CHRNB1: variants seen among roughly 807,000 people sequenced by gnomAD.
CHRNB1 encodes acetylcholine receptor subunit beta.
Under a neutral mutation model 53.8 loss-of-function variants are expected in CHRNB1, and 47 were observed. The ratio of observed to expected loss-of-function variants is 0.87; its 90% CI spans 0.69 to 1.11. The LOEUF (loss-of-function observed/expected upper bound fraction) is 1.11, where lower values mean the gene tolerates loss of function less well. Ranked by LOEUF, CHRNB1 falls within the 50% of genes most tolerant of loss-of-function variation. The pLI is 0.00. For missense variants in CHRNB1, 605 were observed against 654.9 expected, an observed-to-expected ratio of 0.92 and a Z score of 0.83; for synonymous variants, 259 against 263.5, an observed-to-expected ratio of 0.98 and a Z score of 0.16.
intron 7 of CHRNB1, among the ~76,000 whole-genome samples, chr17:7,452,197 A>G (rs1908917308): frequency 6.6e-6 from 1 of 151,798 alleles, no homozygotes; most frequent in African/African-American, 2.4e-5. Context: ...CTGGGATTCC[A>G]GTCACACACC....
At chr17:7,451,522 C>G (rs546468338) in intron 7 of CHRNB1, among the ~76,000 whole-genome samples, 1 of 152,158 alleles carries the variant, frequency 6.6e-6, no homozygotes, top group East Asian at 1.9e-4. Flanking sequence ...CTAAAATGAT[C>G]CACCCGCCTT....
Position 7,454,501 on chromosome 17 carries a change from T to C in CHRNB1, c.1025T>C (p.Met342Thr). 1 of 1,614,102 alleles carries C rather than the reference T, an allele frequency of 6.2e-7. No homozygotes were observed. Among genetic ancestry groups the C allele is most frequent in the Non-Finnish European group, 8.5e-7 (1 of 1,179,978 alleles). ...CACCGCTCACCCCACACCCACCAAA[T>C]GCCCCTTTGGGTCCGTCAGGTAAGA... is the stretch of plus-strand genomic sequence containing the variant. ...LHHRSPHTHQ[M>T]PLWVRQIFIH... Residue 342 changes from methionine (M) to threonine (T), a missense_variant, in exon 8 of 11, where the codon ATG becomes ACG. By Grantham distance (81) the Met-to-Thr change is moderately conservative. Coordinates refer to ENST00000306071, the MANE Select transcript of CHRNB1 (RefSeq NM_000747.3).
At position 7,445,722 on chromosome 17, in the gene CHRNB1, G is replaced by C. The variant is rs975981300; in HGVS notation, c.198+313G>C. On this transcript the variant is annotated intron_variant, in intron 2 of 10. Coordinates refer to ENST00000306071, the MANE Select transcript of CHRNB1 (RefSeq NM_000747.3). This position sits in a 1 kb window ranked among gnomAD's most constrained non-coding sequence, Gnocchi z 5.7. ...GGGCCACATGAGTCCTGAGTGCCCA[G>C]GGTGGGGCGGAGCTTGGTGCTCAGG... The C allele has an allele frequency of 7.6e-6, 7 of 920,626 alleles. No individual in the cohort carries two copies. Among genetic ancestry groups the C allele is most frequent in the Non-Finnish European group, 1.1e-5 (7 of 634,650 alleles). The allele number at this position is 920,626 out of a possible 1,614,324, so 57.0% of individuals were successfully genotyped here. A position where few individuals can be genotyped will look rare whatever the true frequency, so the allele number is the denominator to read the frequency against.
At chr17:7,451,088 A>T (rs1908865925) in intron 7 of CHRNB1, among the ~76,000 whole-genome samples, 1 of 151,948 alleles carries the variant, frequency 6.6e-6, no homozygotes, top group African/African-American at 2.4e-5. Flanking sequence ...GGACCTATAG[A>T]CCATAACCAG....
At chr17:7,448,861 G>C in intron 7 of CHRNB1, 73 bp downstream of exon 7, 1 of 1,516,850 alleles carries the variant, frequency 6.6e-7, no homozygotes, top group African/African-American at 1.4e-5. Flanking sequence ...AATCCAGGCA[G>C]GGTTTTCCTG....
Position 7,455,910 on chromosome 17 carries a change from G to T in CHRNB1, c.1334G>T (p.Arg445Leu), listed in dbSNP as rs774704171. ...EVVSSISYIA[R>L]QLQEQEDHDA... ...GTCTCCTCTATCAGCTACATCGCTC[G>T]ACAGCTGCAGGAACAGGAGGACCAC... Residue 445 changes from arginine (R) to leucine (L), a missense_variant, in exon 10 of 11, where the codon CGA becomes CTA. By Grantham distance (102) the Arg-to-Leu change is moderately radical (BLOSUM62 -2). Coordinates refer to ENST00000306071, the MANE Select transcript of CHRNB1 (RefSeq NM_000747.3). 1 of 1,614,070 alleles carries T rather than the reference G, an allele frequency of 6.2e-7. No individual in the cohort carries two copies. The highest frequency in any genetic ancestry group is 1.1e-5 in the South Asian group (1 of 91,082).
intron 6 of CHRNB1, among the ~76,000 whole-genome samples, chr17:7,448,113 C>T (rs1390272383): frequency 1.1e-4 from 15 of 142,742 alleles, no homozygotes; most frequent in Non-Finnish European, 1.8e-4. Flanking sequence ...GGGCCTGGCG[C>T]AGTGGCTCAC....
rs1169151984 is a variant in CHRNB1, at chr17:7,445,230, G to A, written c.59-40G>A. 2.5e-6 allele frequency: 4 copies of A among 1,611,792 alleles called. No individual in the cohort carries two copies. The highest frequency in any genetic ancestry group is 3.4e-6 in the Non-Finnish European group (4 of 1,179,526). On this transcript the variant is annotated intron_variant, in intron 1 of 10. Coordinates refer to ENST00000306071, the MANE Select transcript of CHRNB1 (RefSeq NM_000747.3). This position sits in a 1 kb window ranked among gnomAD's most constrained non-coding sequence, Gnocchi z 5.7. Reference sequence around the variant, plus strand: ...GGGCAGTGACGGGGCCAGCGGTCGTGGCCAGGCACCAGGGCTGCACTTATT... The same window carrying A: ...GGGCAGTGACGGGGCCAGCGGTCGTAGCCAGGCACCAGGGCTGCACTTATT...
rs71157287 is a variant in CHRNB1, at chr17:7,453,582, CTT to C, written c.821-693_821-692del. 6.5e-3 allele frequency among the ~76,000 whole-genome samples: 620 copies of C among 96,000 alleles called. 3 individuals are homozygous for C. The highest frequency in any genetic ancestry group is 7.5e-3 in the African/African-American group (185 of 24,764). 63.0% of individuals were successfully genotyped at this position (96,000 alleles called of 152,430 possible). Reference sequence around the variant, plus strand: ...GCAGATGGCCCTTCCAAAAGCCTGTCTTTTTTTTTTTTTTTTTTTTTTTATGA... The same window carrying C: ...GCAGATGGCCCTTCCAAAAGCCTGTCTTTTTTTTTTTTTTTTTTTTTATGA... On this transcript the variant is annotated intron_variant, in intron 7 of 10. Transcript: ENST00000306071.
chr17:7,452,085 C>A (rs1908912259), intron 7 of CHRNB1, among the ~76,000 whole-genome samples: 1 of 149,930 alleles, frequency 6.7e-6, no homozygotes, highest in South Asian at 2.1e-4. Context: ...AGATACAGTC[C>A]CTGTCTGTCA....
In CHRNB1 at chr17:7,445,081, G is replaced by C; in HGVS notation, c.-47G>C. The C allele has an allele frequency of 6.3e-7, 1 of 1,587,274 alleles. No individual in the cohort carries two copies. The highest frequency in any genetic ancestry group is 1.1e-5 in the South Asian group (1 of 88,506). ...TCCTCGTCACTTCCCCTGTGCTGGC[G>C]GTCCCAGCGGCTCTCTGAGCGAAGT... is the stretch of plus-strand genomic sequence containing the variant. On this transcript the variant is annotated 5_prime_UTR_variant, in exon 1 of 11. Coordinates refer to ENST00000306071, the MANE Select transcript of CHRNB1 (RefSeq NM_000747.3). The surrounding 1 kb of genome is among the most constrained non-coding windows in gnomAD (Gnocchi z 5.7).
chr17:7,445,675 C>A lies in CHRNB1; in HGVS notation c.198+266C>A. 2 of 1,258,454 alleles carry A rather than the reference C, an allele frequency of 1.6e-6. No homozygotes were observed. Among genetic ancestry groups the A allele is most frequent in the Non-Finnish European group, 2.1e-6 (2 of 945,848 alleles). 78.0% of individuals were successfully genotyped at this position (1,258,454 alleles called of 1,614,324 possible). ...AGTGGGGCTGGGGACGAGGCAGGGG[C>A]TGGGGGACGGACCTCGACGTAGGGC... On this transcript the variant is annotated intron_variant, in intron 2 of 10. Coordinates refer to ENST00000306071, the MANE Select transcript of CHRNB1 (RefSeq NM_000747.3). The surrounding 1 kb of genome is among the most constrained non-coding windows in gnomAD (Gnocchi z 5.7).
intron 7 of CHRNB1, among the ~76,000 whole-genome samples, chr17:7,453,839 T>A (rs1490599336): frequency 6.6e-6 from 1 of 151,376 alleles, no homozygotes; most frequent in Non-Finnish European, 1.5e-5. Flanking sequence ...GGTGGGTGGA[T>A]CACTTGAGCT....
In CHRNB1 at chr17:7,445,162, C is replaced by A; in HGVS notation, c.35C>A (p.Ala12Glu). Residue 12 changes from alanine (A) to glutamate (E), a missense_variant, in exon 1 of 11, where the codon GCG (alanine) becomes GAG (glutamate). Transcript: ENST00000306071. This position sits in a 1 kb window ranked among gnomAD's most constrained non-coding sequence, Gnocchi z 5.7. Reference sequence around the variant, plus strand: ...GGGGCTCTGCTGATGCTGCTGGGGGCGCTGGGGGCGCCGCTCGCCCCAGGT... The same window carrying A: ...GGGGCTCTGCTGATGCTGCTGGGGGAGCTGGGGGCGCCGCTCGCCCCAGGT... ...TPGALLMLLGALGAPLAPGVR... is the reference protein window; with the variant it reads ...TPGALLMLLGELGAPLAPGVR... 1.2e-6 allele frequency: 2 copies of A among 1,609,346 alleles called. No homozygotes were observed. The highest frequency in any genetic ancestry group is 1.7e-6 in the Non-Finnish European group (2 of 1,179,374).
chr17:7,447,338 TACTC>T lies in CHRNB1; in HGVS notation c.463-163_463-160del. 3.2e-6 allele frequency: 3 copies of T among 942,748 alleles called. No individual in the cohort carries two copies. In the South Asian group the frequency reaches 4.1e-5, roughly 13 times the overall value. 58.4% of individuals were successfully genotyped at this position (942,748 alleles called of 1,614,324 possible). A position where few individuals can be genotyped will look rare whatever the true frequency, so the allele number is the denominator to read the frequency against. On this transcript the variant is annotated intron_variant, in intron 5 of 10. Transcript: ENST00000306071. The stretch of plus-strand genomic sequence containing the variant: ...GTACACTTTCTTTGACTTCTAGTCT[TACTC>T]AGTGACCGCCCTCCCCATCCCTCCC...
Position 7,445,975 on chromosome 17 carries a change from G to A in CHRNB1, c.199-94G>A, listed in dbSNP as rs567777689. ...CCGAGAGGATGGGGCTCAGAAAAAGGGGGCGGCGTTCCCAGGAGAGAGGTT... is the reference window on the plus strand; with the variant it reads ...CCGAGAGGATGGGGCTCAGAAAAAGAGGGCGGCGTTCCCAGGAGAGAGGTT... On this transcript the variant is annotated intron_variant, in intron 2 of 10. Transcript: ENST00000306071. This position sits in a 1 kb window ranked among gnomAD's most constrained non-coding sequence, Gnocchi z 5.7. The A allele has an allele frequency of 2.4e-4, 267 of 1,117,138 alleles. 2 individuals are homozygous for A. In the African/African-American group the frequency reaches 3.4e-3, roughly 14 times the overall value. 69.2% of individuals were successfully genotyped at this position (1,117,138 alleles called of 1,614,324 possible).
intron 9 of CHRNB1, 25 bp downstream of exon 9, chr17:7,455,481 T>C (rs201761770): frequency 6.2e-7 from 1 of 1,613,134 alleles, no homozygotes; most frequent in South Asian, 1.1e-5. Context: ...GTTACCCACA[T>C]AAGAGGGAGA....
intron 5 of CHRNB1, 126 bp downstream of exon 5, chr17:7,447,277 C>A (rs1908679407): frequency 1.1e-6 from 1 of 931,592 alleles, no homozygotes; most frequent in Non-Finnish European, 1.7e-6. Context: ...ATGACCCTCA[C>A]CTCGTCTACC....
In CHRNB1 at chr17:7,445,207, G is replaced by A. The variant is rs1390021400; in HGVS notation, c.58+22G>A. 1 of 1,611,460 alleles carries A rather than the reference G, an allele frequency of 6.2e-7. No homozygotes were observed. On this transcript the variant is annotated intron_variant, in intron 1 of 10. Transcript: ENST00000306071. This position sits in a 1 kb window ranked among gnomAD's most constrained non-coding sequence, Gnocchi z 5.7. ...CCAGGTAAGTGTAGGCCCCGAAGGG[G>A]CAGTGACGGGGCCAGCGGTCGTGGC...
Sources: allele counts gnomAD v4.1 joint callset (sites outside exome capture counted in the v4.1 genomes callset), GRCh38; gene constraint gnomAD v4.1.1; non-coding constraint Gnocchi (gnomAD v3.1); transcripts MANE v1.5; gene names NCBI Gene and HGNC (gene_info 2026-07-23, HGNC 2026-07-21).